The following INPP5A variants were observed in gnomAD, a reference collection of about 807,000 sequenced individuals.
INPP5A encodes inositol polyphosphate-5-phosphatase A.
In INPP5A, 14 loss-of-function variants were observed where a neutral mutation model predicts 65.2. The observed-to-expected ratio is 0.21, with a 90% CI of 0.14 to 0.34. The LOEUF (loss-of-function observed/expected upper bound fraction) is 0.34, where lower values mean the gene tolerates loss of function less well. INPP5A is among the 10% of genes least tolerant of loss of function. INPP5A has a pLI of 1.00. For synonymous variants in INPP5A, 207 were observed against 208.3 expected (o/e 0.99, Z 0.05); for missense variants, 431 against 545.6 (o/e 0.79, Z 2.09).
intron 4 of INPP5A, among the ~76,000 whole-genome samples, chr10:132,687,179 G>A (rs572995297): frequency 1.3e-5 from 2 of 152,284 alleles, no homozygotes; most frequent in South Asian, 4.1e-4. Context: ...TCCTGACCTC[G>A]AGTGATCCGC....
intron 4 of INPP5A, among the ~76,000 whole-genome samples, chr10:132,670,400 TGA>T (rs2072872829): frequency 4.4e-5 from 1 of 22,852 alleles, no homozygotes; most frequent in African/African-American, 2.0e-4. Context: ...CTACATCCTC[TGA>T]GTGCGCACTC....
rs1382815292 is a variant in INPP5A at position 132,756,909 on chromosome 10, C to T, written c.903+7064C>T. On this transcript the variant is annotated intron_variant, in intron 11 of 15. Coordinates refer to ENST00000368594, the MANE Select transcript of INPP5A (RefSeq NM_005539.5). ...TCCTGACCCTGTGCGGGCCTAGGCT[C>T]ATGTCTGTGTCGTTGTCTTCATTGT... Among the ~76,000 whole-genome samples, 3 of 152,164 alleles carry T rather than the reference C, an allele frequency of 2.0e-5. No homozygotes were observed. In the East Asian group the frequency reaches 5.8e-4, roughly 29 times the overall value.
chr10:132,653,433 G>A (rs2072607423), intron 4 of INPP5A, among the ~76,000 whole-genome samples: 1 of 152,124 alleles, frequency 6.6e-6, no homozygotes, highest in African/African-American at 2.4e-5. Context: ...CTGGGCATCT[G>A]CACCTGGCTG....
At chr10:132,582,031 G>T (rs948289694) in intron 1 of INPP5A, among the ~76,000 whole-genome samples, 1 of 152,010 alleles carries the variant, frequency 6.6e-6, no homozygotes, top group Non-Finnish European at 1.5e-5. Context: ...GTAGAGACGG[G>T]GGTTTCACCA....
At chr10:132,749,466 A>T (rs1846431769) in intron 9 of INPP5A, 51 bp from the exon 10 acceptor site, 1 of 1,531,358 alleles carries the variant, frequency 6.5e-7, no homozygotes, top group African/African-American at 1.4e-5. Flanking sequence ...TGACGCTGCC[A>T]TGGGCAGGTG....
chr10:132,780,422 T>C (rs1591010734), intron 13 of INPP5A, among the ~76,000 whole-genome samples: 1 of 152,346 alleles, frequency 6.6e-6, no homozygotes, highest in East Asian at 1.9e-4. Context: ...AGATTGGAAC[T>C]AGATGGGCTG....
intron 9 of INPP5A, among the ~76,000 whole-genome samples, chr10:132,735,596 G>A (rs933983436): frequency 1.3e-5 from 2 of 152,216 alleles, no homozygotes; most frequent in Admixed American, 6.5e-5. Flanking sequence ...TTGCCCCCTC[G>A]GTCCTGGGCT....
chr10:132,707,172 G>T lies in INPP5A; in HGVS notation c.475-1141G>T, dbSNP rs2134521612. Reference sequence around the variant, plus strand: ...TCATCTCCTCAGCAGACCTTAGGGTGTGGTGGAGGAGACAGGGTCTTCCCT... The same window carrying T: ...TCATCTCCTCAGCAGACCTTAGGGTTTGGTGGAGGAGACAGGGTCTTCCCT... On this transcript the variant is annotated intron_variant, in intron 6 of 15. Coordinates refer to ENST00000368594, the MANE Select transcript of INPP5A (RefSeq NM_005539.5). This position sits in a 1 kb window ranked among gnomAD's most constrained non-coding sequence, Gnocchi z 5.5. Among the ~76,000 whole-genome samples, 1 of 152,348 alleles carries T rather than the reference G, an allele frequency of 6.6e-6. No individual in the cohort carries two copies. The highest frequency in any genetic ancestry group is 2.1e-4 in the South Asian group (1 of 4,828).
intron 1 of INPP5A, among the ~76,000 whole-genome samples, chr10:132,606,033 G>A (rs1034184644): frequency 3.3e-5 from 5 of 152,176 alleles, no homozygotes; most frequent in African/African-American, 9.7e-5. Flanking sequence ...GCTGGAGCGC[G>A]TGTTACTGGG....
intron 2 of INPP5A, among the ~76,000 whole-genome samples, chr10:132,636,519 G>A (rs2072354427): frequency 6.6e-6 from 1 of 152,206 alleles, no homozygotes; most frequent in South Asian, 2.1e-4. Flanking sequence ...CCTCCACCCT[G>A]GTTTGCAGCC....
At chr10:132,654,845 G>A (rs2072631894) in intron 4 of INPP5A, among the ~76,000 whole-genome samples, 1 of 152,264 alleles carries the variant, frequency 6.6e-6, no homozygotes, top group Non-Finnish European at 1.5e-5. Flanking sequence ...GCCTGTGGGG[G>A]GGACGCGGCT....
At chr10:132,602,780 C>T (rs1369131511) in intron 1 of INPP5A, among the ~76,000 whole-genome samples, 1 of 152,196 alleles carries the variant, frequency 6.6e-6, no homozygotes, top group Non-Finnish European at 1.5e-5. Context: ...GCGCGGGCAT[C>T]CTGGTGTTCC....
intron 5 of INPP5A, among the ~76,000 whole-genome samples, chr10:132,691,814 G>A (rs1167768236): frequency 1.4e-5 from 2 of 147,484 alleles, no homozygotes; most frequent in African/African-American, 4.9e-5. Flanking sequence ...GGAGACGTGC[G>A]GTCGCGGGAG....
Position 132,749,611 on chromosome 10 carries a change from AG to A in INPP5A, c.828+1del. On this transcript the variant is annotated frameshift_variant and splice_region_variant, in exon 10 of 16. Coordinates refer to ENST00000368594, the MANE Select transcript of INPP5A (RefSeq NM_005539.5). LOFTEE classifies it high-confidence loss of function. ...TTTCGTGAGTCGGACAACGACCGGA[AG>A]GTGAGCGGGGCCTGTGACTGGGCAG... ...LIFRESDNDR[K>X]VMLQLEKKLF... 1 of 1,612,870 alleles carries A rather than the reference AG, an allele frequency of 6.2e-7. No homozygotes were observed. The highest frequency in any genetic ancestry group is 8.5e-7 in the Non-Finnish European group (1 of 1,179,914).
intron 9 of INPP5A, among the ~76,000 whole-genome samples, chr10:132,743,314 C>T (rs1311457268): frequency 3.6e-5 from 5 of 137,240 alleles, no homozygotes; most frequent in African/African-American, 5.6e-5. Flanking sequence ...CACCCACCAG[C>T]GCTGCACTCA....
chr10:132,743,959 A>G (rs1846323019), intron 9 of INPP5A, among the ~76,000 whole-genome samples: 1 of 152,220 alleles, frequency 6.6e-6, no homozygotes, highest in African/African-American at 2.4e-5. Flanking sequence ...TCCTTGGAAC[A>G]GAGGAAGTTT....
rs1171703589 is a variant in INPP5A, at chr10:132,545,440, GGT to G, written c.75+7271_75+7272del. ...CTCACGGAGGGACAGCCTCCAGGAAGGTGGCCTCCATCCGGGAATGGGGTCCA... is the reference window on the plus strand; with the variant it reads ...CTCACGGAGGGACAGCCTCCAGGAAGGGCCTCCATCCGGGAATGGGGTCCA... On this transcript the variant is annotated intron_variant, in intron 1 of 15. Coordinates refer to ENST00000368594, the MANE Select transcript of INPP5A (RefSeq NM_005539.5). This position sits in a 1 kb window ranked among gnomAD's most constrained non-coding sequence, Gnocchi z 4.6. Among the ~76,000 whole-genome samples, 1 of 152,220 alleles carries G rather than the reference GGT, an allele frequency of 6.6e-6. No homozygotes were observed. Among genetic ancestry groups the G allele is most frequent in the East Asian group, 1.9e-4 (1 of 5,196 alleles).
intron 1 of INPP5A, among the ~76,000 whole-genome samples, chr10:132,601,371 A>G (rs1174548774): frequency 1.3e-5 from 2 of 152,214 alleles, no homozygotes; most frequent in African/African-American, 2.4e-5. Flanking sequence ...GTTGAGTTGT[A>G]GAAGGTTAAA....
intron 2 of INPP5A, among the ~76,000 whole-genome samples, chr10:132,622,977 C>T (rs1196671758): frequency 2.6e-5 from 4 of 151,710 alleles, no homozygotes; most frequent in African/African-American, 9.7e-5. Flanking sequence ...TTGGAAGACT[C>T]AGTTACGGTG....
Sources: allele counts gnomAD v4.1 joint callset (sites outside exome capture counted in the v4.1 genomes callset), GRCh38; gene constraint gnomAD v4.1.1; non-coding constraint Gnocchi (gnomAD v3.1); transcripts MANE v1.5; gene names NCBI Gene and HGNC (gene_info 2026-07-23, HGNC 2026-07-21).